Variants in ZFX observed in about 807,000 individuals in gnomAD.
ZFX encodes zinc finger X-chromosomal protein.
For missense variants in ZFX, 362 were observed against 628.3 expected (o/e 0.58, Z 4.53); for synonymous variants, 196 against 226.8 (o/e 0.86, Z 1.22).
chrX:24,189,431 CCAGT>C (rs938852414), intron 5 of ZFX, among the ~76,000 whole-genome samples: 1 of 111,953 alleles, frequency 8.9e-6, no homozygotes, highest in Admixed American at 9.5e-5. Context: ...GGTATTTTGA[CCAGT>C]CATTCTAATA....
chrX:24,208,446 G>T (rs942211810), intron 8 of ZFX, 76 bp downstream of exon 8: 87 of 1,130,290 alleles, frequency 7.7e-5, no homozygotes, highest in Non-Finnish European at 9.9e-5. Context: ...AATGGTTTCT[G>T]TGGTCTTAGG....
intron 5 of ZFX, among the ~76,000 whole-genome samples, chrX:24,202,503 C>T (rs1015757991): frequency 2.7e-5 from 3 of 111,721 alleles, no homozygotes; most frequent in African/African-American, 9.8e-5. Context: ...GACATTCCTC[C>T]TCCACGTTCC....
chrX:24,163,505 G>C (rs1215096156), intron 3 of ZFX, among the ~76,000 whole-genome samples: 1 of 101,814 alleles, frequency 9.8e-6, no homozygotes, highest in African/African-American at 3.6e-5. Flanking sequence ...AGCCTCCTGA[G>C]TAGCTGGGAC....
intron 4 of ZFX, 54 bp downstream of exon 4, chrX:24,172,854 T>C: frequency 9.1e-7 from 1 of 1,093,247 alleles, no homozygotes; most frequent in Non-Finnish European, 1.2e-6. Context: ...GAGTTGGTTG[T>C]CATCAATGAA....
At chrX:24,191,995 C>T (rs1050157041) in intron 5 of ZFX, among the ~76,000 whole-genome samples, 1 of 111,797 alleles carries the variant, frequency 8.9e-6, no homozygotes, top group Non-Finnish European at 1.9e-5. Context: ...CCACCAAGCC[C>T]GGCCTTCATT....
chrX:24,208,860 A>G (rs371971383), intron 8 of ZFX, 40 bp from the exon 9 acceptor site: 3 of 1,136,636 alleles, frequency 2.6e-6, no homozygotes, highest in African/African-American at 3.7e-5. Context: ...TTTAAAATTT[A>G]TAATACTGTA....
At chrX:24,198,542 T>C (rs1289370484) in intron 5 of ZFX, among the ~76,000 whole-genome samples, 1 of 109,249 alleles carries the variant, frequency 9.2e-6, no homozygotes, top group Non-Finnish European at 1.9e-5. Context: ...AAACATTTAC[T>C]TGAAGATTAG....
chrX:24,160,041 C>CT lies in ZFX; in HGVS notation c.-29+7218dup, dbSNP rs200980677. ...AAAACCTAATTTTGTTAGTTTGTTC[C>CT]TTTTTTTCTGATCAGTATTGCCAGT... On this transcript the variant is annotated intron_variant, in intron 3 of 9. Coordinates refer to ENST00000304543, the MANE Select transcript of ZFX (RefSeq NM_003410.4). Among the ~76,000 whole-genome samples the CT allele has an allele frequency of 0.042, 4,651 of 110,092 alleles. 353 individuals are homozygous for CT. The East Asian group carries it at 0.48, about 11-fold the overall frequency.
chrX:24,196,899 G>GT (rs1936961762), intron 5 of ZFX, among the ~76,000 whole-genome samples: 1 of 112,303 alleles, frequency 8.9e-6, no homozygotes, highest in Non-Finnish European at 1.9e-5. Flanking sequence ...TTGGCTGTAG[G>GT]TTGGTTTGTT....
At chrX:24,179,952 G>A (rs911731827) in intron 5 of ZFX, among the ~76,000 whole-genome samples, 182 bp downstream of exon 5, 1 of 111,844 alleles carries the variant, frequency 8.9e-6, no homozygotes, top group Non-Finnish European at 1.9e-5. Context: ...GTGAGGCCGG[G>A]TGTGGTGGCT....
upstream of ZFX, chrX:24,149,548 G>A (rs1367927217): frequency 9.0e-6 from 1 of 111,035 alleles, no homozygotes; most frequent in African/African-American, 3.3e-5. Context: ...GTGCCAGGAG[G>A]ACCCACCGGG....
intron 3 of ZFX, 68 bp from the exon 4 acceptor site, chrX:24,172,647 T>C (rs1377293452): frequency 1.3e-6 from 1 of 793,721 alleles, no homozygotes; most frequent in East Asian, 3.5e-5. Flanking sequence ...AATGAAACTA[T>C]CATGATGGCA....
chrX:24,208,993 A>G lies in ZFX; in HGVS notation c.1187A>G (p.Gln396Arg). The G allele has an allele frequency of 8.3e-7, 1 of 1,211,782 alleles. No homozygotes were observed. The highest frequency in any genetic ancestry group is 1.1e-6 in the Non-Finnish European group (1 of 895,578). ...ESAGLGRLAK[Q>R]KPKKRRRPDS... ...GCTGGCCTCGGCAGACTGGCTAAAC[A>G]AAAACCAAAGAAAAGGAGAAGACCT... Residue 396 changes from glutamine to arginine, a missense_variant, in exon 9 of 10, where the codon CAA becomes CGA. Coordinates refer to ENST00000304543, the MANE Select transcript of ZFX (RefSeq NM_003410.4).
At chrX:24,161,801 A>AT (rs1173498654) in intron 3 of ZFX, 1 of 102,563 alleles carries the variant, frequency 9.8e-6, no homozygotes, top group Non-Finnish European at 1.9e-5. Context: ...TGTTCAAGTG[A>AT]TTCTTCTTCT....
At chrX:24,202,069 A>G (rs1291585530) in intron 5 of ZFX, among the ~76,000 whole-genome samples, 1 of 111,906 alleles carries the variant, frequency 8.9e-6, no homozygotes, top group Admixed American at 9.5e-5. Flanking sequence ...TTTCTGCATT[A>G]TCACCTTCCC....
Position 24,210,853 on chromosome X carries a change from C to T in ZFX, c.1895C>T (p.Thr632Ile). 4.1e-6 allele frequency: 5 copies of T among 1,211,630 alleles called. No individual in the cohort carries two copies. In the South Asian group the frequency reaches 5.3e-5, roughly 13 times the overall value. ...QHALIHQESK[T>I]HQCLHCDHKS... ...GCTCTTATCCACCAAGAAAGCAAAA[C>T]ACACCAGTGTTTGCATTGCGACCAC... The change falls in exon 10 of 10, where the codon ACA becomes ATA. Residue 632 changes from threonine (T) to isoleucine (I), a missense_variant. By Grantham distance (89) the Thr-to-Ile change is moderately conservative (BLOSUM62 -1). Coordinates refer to ENST00000304543, the MANE Select transcript of ZFX (RefSeq NM_003410.4).
At chrX:24,203,119 C>T (rs1233945496) in intron 5 of ZFX, among the ~76,000 whole-genome samples, 1 of 111,879 alleles carries the variant, frequency 8.9e-6, no homozygotes, top group Non-Finnish European at 1.9e-5. Flanking sequence ...ACCCCAGTCA[C>T]TCAGTCACCT....
At chrX:24,179,059 C>A in intron 4 of ZFX, 124 bp from the exon 5 acceptor site, 1 of 576,502 alleles carries the variant, frequency 1.7e-6, no homozygotes, top group Non-Finnish European at 2.7e-6. Flanking sequence ...TTTCTTTAAT[C>A]TATCTTAATG....
chrX:24,162,521 A>G (rs1013372420), intron 3 of ZFX, among the ~76,000 whole-genome samples: 11 of 111,815 alleles, frequency 9.8e-5, no homozygotes, highest in African/African-American at 3.6e-4. Context: ...TAATAATAGT[A>G]TTAATGGCCA....
Sources: allele counts gnomAD v4.1 joint callset (sites outside exome capture counted in the v4.1 genomes callset), GRCh38; gene constraint gnomAD v4.1.1; transcripts MANE v1.5; gene names NCBI Gene and HGNC (gene_info 2026-07-23, HGNC 2026-07-21).